TMC7: variants seen among roughly 807,000 people sequenced by gnomAD.
TMC7 encodes the protein transmembrane channel like 7.
A neutral mutation model predicts 82.9 loss-of-function variants in TMC7; 54 were observed. The observed-to-expected ratio is 0.65, with a 90% CI of 0.52 to 0.82. The LOEUF (loss-of-function observed/expected upper bound fraction) is 0.82, where lower values mean the gene tolerates loss of function less well. TMC7 is among the 40% of genes least tolerant of loss of function. The pLI is 0.00. For synonymous variants in TMC7, 350 were observed against 337.9 expected (o/e 1.04, Z -0.39); for missense variants, 820 against 901.2 (o/e 0.91, Z 1.15).
chr16:19,052,149 C>T (rs1313003739), intron 13 of TMC7, among the ~76,000 whole-genome samples: 1 of 152,142 alleles, frequency 6.6e-6, no homozygotes, highest in East Asian at 1.9e-4. Context: ...CCAGGCTGGT[C>T]TCAAACTCCT....
intron 1 of TMC7, among the ~76,000 whole-genome samples, chr16:18,994,822 G>C (rs185936659): frequency 6.6e-6 from 1 of 152,316 alleles, no homozygotes; most frequent in Admixed American, 6.5e-5. Flanking sequence ...AGGCCATGCT[G>C]TAACAGGCAA....
At chr16:19,024,537 C>G (rs933315565) in intron 5 of TMC7, among the ~76,000 whole-genome samples, 9 of 152,056 alleles carry the variant, frequency 5.9e-5, no homozygotes, top group Admixed American at 2.6e-4. Context: ...AAACTTGGCA[C>G]TATTGATATT....
chr16:18,999,661 T>C (rs909367835), intron 1 of TMC7, among the ~76,000 whole-genome samples: 2 of 152,234 alleles, frequency 1.3e-5, no homozygotes, highest in Non-Finnish European at 2.9e-5. Context: ...GGGTGGTCTT[T>C]CCAGGAGCAG....
At position 19,063,024 on chromosome 16, in the gene TMC7, C is replaced by T. The variant is rs755332128; in HGVS notation, c.*1181C>T. 1 of 152,182 alleles carries T rather than the reference C, an allele frequency of 6.6e-6. No homozygotes were observed. Among genetic ancestry groups the T allele is most frequent in the African/African-American group, 2.4e-5 (1 of 41,454 alleles). The allele number at this position is 152,182 out of a possible 1,614,324, so 9.4% of individuals were successfully genotyped here. ...CAGAGGAGCAAAGGTATCTTCTCGT[C>T]CCTTTCTTACAGCCATTTTCTTGCT... On this transcript the variant is annotated 3_prime_UTR_variant, in exon 16 of 16. Transcript: ENST00000304381.
intron 2 of TMC7, among the ~76,000 whole-genome samples, chr16:19,013,573 A>G (rs1489370081): frequency 6.6e-6 from 1 of 151,862 alleles, no homozygotes; most frequent in Non-Finnish European, 1.5e-5. Flanking sequence ...GCTGGAATGC[A>G]GTGGTGCCAT....
chr16:19,040,393 C>T lies in TMC7; in HGVS notation c.1284C>T (p.Ile428=). ...TCACCCCAATGATCTTTGCCAAGAT[C>T]ATCCGCTATGAGGATTATTCTCCAG... ...NFITPMIFAK[I]IRYEDYSPGF... Residue 428 remains isoleucine (I), a synonymous_variant, in exon 9 of 16, where the codon ATC becomes ATT. Transcript: ENST00000304381. 6.2e-7 allele frequency: 1 copy of T among 1,613,792 alleles called. No individual in the cohort carries two copies.
chr16:19,025,335 C>T (rs1044007087), intron 5 of TMC7, among the ~76,000 whole-genome samples: 26 of 151,932 alleles, frequency 1.7e-4, no homozygotes, highest in African/African-American at 5.6e-4. Flanking sequence ...AATACCATAC[C>T]GGCCGGGTGC....
At chr16:18,984,603 AGCCT>A in intron 1 of TMC7, 1 of 836,452 alleles carries the variant, frequency 1.2e-6, no homozygotes, top group South Asian at 5.4e-5. Context: ...GCCTTCTCTG[AGCCT>A]CAGATCCTTC....
chr16:18,998,458 G>A (rs190664585), intron 1 of TMC7, among the ~76,000 whole-genome samples: 1 of 152,204 alleles, frequency 6.6e-6, no homozygotes, highest in African/African-American at 2.4e-5. Context: ...CCACGGGCAT[G>A]AAAAGCAGGG....
chr16:19,027,531 C>T (rs2142227926), intron 5 of TMC7, among the ~76,000 whole-genome samples: 1 of 152,216 alleles, frequency 6.6e-6, no homozygotes, highest in African/African-American at 2.4e-5. Flanking sequence ...TTGAACCAAG[C>T]TCATTATCAA....
chr16:18,991,795 C>A (rs2038956267), intron 1 of TMC7, among the ~76,000 whole-genome samples: 1 of 152,002 alleles, frequency 6.6e-6, no homozygotes, highest in Non-Finnish European at 1.5e-5. Context: ...TCCAAGTGTT[C>A]TCATTGTTCA....
Position 19,006,166 on chromosome 16 carries a change from C to T in TMC7, c.68-3006C>T, listed in dbSNP as rs150424967. On this transcript the variant is annotated intron_variant, in intron 1 of 15. Transcript: ENST00000304381. ...TCATAAACAGGCTGTGTAGCAAGTC[C>T]TGACCCCAGCCTTGCCCTTGCAGCC... 2.0e-5 allele frequency among the ~76,000 whole-genome samples: 3 copies of T among 152,094 alleles called. No individual in the cohort carries two copies. The East Asian group carries it at 5.8e-4, about 29-fold the overall frequency.
intron 12 of TMC7, chr16:19,049,591 C>A (rs1961433752): frequency 4.1e-6 from 4 of 979,384 alleles, no homozygotes; most frequent in South Asian, 9.4e-5. Flanking sequence ...CTCACAGGAA[C>A]TTTTTTTTCC....
chr16:19,027,884 T>C (rs894732390), intron 5 of TMC7, among the ~76,000 whole-genome samples: 1 of 152,044 alleles, frequency 6.6e-6, no homozygotes, highest in Non-Finnish European at 1.5e-5. Flanking sequence ...CACACAAGAA[T>C]GCACAGTTGT....
chr16:19,004,984 G>A (rs77627341), intron 1 of TMC7, among the ~76,000 whole-genome samples: 2,156 of 151,920 alleles, frequency 0.014, 23 homozygotes, highest in Middle Eastern at 0.054. Flanking sequence ...GACCACACCA[G>A]CACAATGGGG....
intron 4 of TMC7, 31 bp downstream of exon 4, chr16:19,021,827 G>A (rs1217480102): frequency 6.2e-7 from 1 of 1,606,664 alleles, no homozygotes; most frequent in African/African-American, 1.3e-5. Context: ...ACTACGAAGT[G>A]TGTTTGTTTT....
intron 1 of TMC7, among the ~76,000 whole-genome samples, chr16:19,005,560 G>A (rs567208267): frequency 6.6e-6 from 1 of 152,250 alleles, no homozygotes; most frequent in Admixed American, 6.5e-5. Flanking sequence ...AGGCAGCTGT[G>A]GTCTCTCCTG....
At chr16:19,043,567 T>TTTAC (rs772416450) in intron 9 of TMC7, among the ~76,000 whole-genome samples, 32 of 151,800 alleles carry the variant, frequency 2.1e-4, no homozygotes, top group African/African-American at 7.7e-4. Context: ...TTGCTTATTA[T>TTTAC]TTATTTATTT....
At chr16:18,996,621 G>A (rs1271183263) in intron 1 of TMC7, among the ~76,000 whole-genome samples, 1 of 152,150 alleles carries the variant, frequency 6.6e-6, no homozygotes, top group African/African-American at 2.4e-5. Flanking sequence ...GAGAACACAG[G>A]CTAAGGGAGA....
Sources: allele counts gnomAD v4.1 joint callset (sites outside exome capture counted in the v4.1 genomes callset), GRCh38; gene constraint gnomAD v4.1.1; transcripts MANE v1.5; gene names NCBI Gene and HGNC (gene_info 2026-07-23, HGNC 2026-07-21).